Variants in NMD3 observed in about 807,000 individuals in gnomAD.
NMD3 encodes the protein 60S ribosomal export protein NMD3.
NMD3 carries 47 observed loss-of-function variants against 73.1 expected under a neutral mutation model. The observed-to-expected ratio is 0.64, with a 90% CI of 0.51 to 0.82. NMD3 has a LOEUF of 0.82. Ranked by LOEUF, NMD3 falls within the 40% of genes least tolerant of loss-of-function variation. NMD3 has a pLI of 0.00. For synonymous variants in NMD3, 210 were observed against 194.5 expected, an observed-to-expected ratio of 1.08 and a Z score of -0.66; for missense variants, 554 against 612.5, an observed-to-expected ratio of 0.90 and a Z score of 1.01.
chr3:161,242,909 A>T (rs895371388), intron 11 of NMD3, among the ~76,000 whole-genome samples: 4 of 152,022 alleles, frequency 2.6e-5, no homozygotes, highest in African/African-American at 7.2e-5. Flanking sequence ...CATTATATTT[A>T]AAAAAGGCAT....
chr3:161,246,527 A>G (rs1408131934), intron 12 of NMD3, 79 bp downstream of exon 12: 2 of 548,852 alleles, frequency 3.6e-6, no homozygotes, highest in Non-Finnish European at 6.7e-6. Flanking sequence ...ACCTAAAAAT[A>G]CTAACATTGT....
intron 7 of NMD3, among the ~76,000 whole-genome samples, chr3:161,236,572 G>T (rs2108087414): frequency 6.6e-6 from 1 of 152,128 alleles, no homozygotes; most frequent in South Asian, 2.1e-4. Flanking sequence ...TTTAAATTTT[G>T]TTGAAGTCCA....
At chr3:161,243,659 G>A (rs1265392643) in intron 11 of NMD3, among the ~76,000 whole-genome samples, 2 of 152,042 alleles carry the variant, frequency 1.3e-5, no homozygotes, top group Non-Finnish European at 2.9e-5. Context: ...TCCTCATGAT[G>A]CCATTTAACT....
In NMD3 at chr3:161,238,757, T is replaced by A; in HGVS notation, c.684T>A (p.Ser228=). 2 of 1,575,938 alleles carry A rather than the reference T, an allele frequency of 1.3e-6. No homozygotes were observed. Among genetic ancestry groups the A allele is most frequent in the Non-Finnish European group, 1.7e-6 (2 of 1,150,260 alleles). ...ACAAAGCATCACAAAGACTGATCTC[T>A]CAAGATATCCATAGTAACACATACA... The part of the protein sequence containing the change: ...CRYKASQRLI[S]QDIHSNTYNY... Residue 228 remains serine, a synonymous_variant, in exon 9 of 16, where the codon TCT becomes TCA. Transcript: ENST00000351193.
At chr3:161,249,363 A>G in intron 13 of NMD3, 91 bp from the exon 14 acceptor site, 2 of 751,022 alleles carry the variant, frequency 2.7e-6, no homozygotes, top group Non-Finnish European at 4.5e-6. Context: ...AACCAGTGTC[A>G]TTAGTTTGGT....
Position 161,238,730 on chromosome 3 carries a change from A to G in NMD3, c.657A>G (p.Arg219=), listed in dbSNP as rs766502085. The change falls in exon 9 of 16, where the codon AGA becomes AGG. Residue 219 remains arginine, a splice_region_variant and synonymous_variant. Coordinates refer to ENST00000351193, the MANE Select transcript of NMD3 (RefSeq NM_015938.5). ...VEFLQCTVPC[R]YKASQRLISQ... ...TTACTACTAACTTTTTTCTTAATAG[A>G]TACAAAGCATCACAAAGACTGATCT... The G allele has an allele frequency of 2.7e-6, 4 of 1,466,776 alleles. No individual in the cohort carries two copies. The highest frequency in any genetic ancestry group is 3.8e-6 in the Non-Finnish European group (4 of 1,048,498). 90.9% of individuals were successfully genotyped at this position (1,466,776 alleles called of 1,614,324 possible).
rs368438440 is a variant in NMD3 at position 161,227,540 on chromosome 3, C to T, written c.276+197C>T. Among the ~76,000 whole-genome samples the T allele has an allele frequency of 1.4e-4, 21 of 146,768 alleles. No homozygotes were observed. The East Asian group carries it at 2.6e-3, about 18-fold the overall frequency. On this transcript the variant is annotated intron_variant, in intron 4 of 15. Transcript: ENST00000351193. ...TCGGCTCACTGCAACCTCTGCCTCC[C>T]GGGTTCACACGATTCTCCTGCCTCA...
At position 161,250,956 on chromosome 3, in the gene NMD3, CAG is replaced by C. The variant is rs780163806; in HGVS notation, c.*49_*50del. The C allele has an allele frequency of 9.7e-6, 15 of 1,544,720 alleles. No individual in the cohort carries two copies. The highest frequency in any genetic ancestry group is 1.3e-5 in the Non-Finnish European group (15 of 1,126,912). On this transcript the variant is annotated 3_prime_UTR_variant, in exon 16 of 16. Coordinates refer to ENST00000351193, the MANE Select transcript of NMD3 (RefSeq NM_015938.5). ...CCATACATGGGCTTAAGAAGTTGGA[CAG>C]AGTTACCTTAAGTGTCTCTACTATC...
In NMD3 at chr3:161,242,442, T is replaced by C; in HGVS notation, c.872-66T>C. 3.4e-6 allele frequency: 5 copies of C among 1,451,708 alleles called. No individual in the cohort carries two copies. The South Asian group carries it at 6.0e-5, about 17-fold the overall frequency. 89.9% of individuals were successfully genotyped at this position (1,451,708 alleles called of 1,614,324 possible). On this transcript the variant is annotated intron_variant, in intron 10 of 15. Coordinates refer to ENST00000351193, the MANE Select transcript of NMD3 (RefSeq NM_015938.5). ...TTGGTATCTACCAGTTTATTCTTAG[T>C]TAATACATTTGATAATTGAAATATA...
At chr3:161,239,519 C>A (rs1277309383) in intron 9 of NMD3, among the ~76,000 whole-genome samples, 1 of 152,112 alleles carries the variant, frequency 6.6e-6, no homozygotes, top group Non-Finnish European at 1.5e-5. Context: ...TAAAGTTAAT[C>A]TAGATACTTT....
chr3:161,239,167 A>G (rs995568202), intron 9 of NMD3, among the ~76,000 whole-genome samples: 8 of 152,186 alleles, frequency 5.3e-5, no homozygotes, highest in East Asian at 1.9e-4. Flanking sequence ...TAAAATCAAT[A>G]TTAGTGAGCC....
intron 11 of NMD3, among the ~76,000 whole-genome samples, chr3:161,245,724 T>C (rs1007697675): frequency 2.0e-5 from 3 of 152,046 alleles, no homozygotes; most frequent in African/African-American, 7.2e-5. Flanking sequence ...AGTTTTCTAG[T>C]TTAAAAATTG....
chr3:161,228,435 C>T (rs1284468876), intron 4 of NMD3, among the ~76,000 whole-genome samples: 2 of 151,984 alleles, frequency 1.3e-5, no homozygotes, highest in Admixed American at 6.6e-5. Context: ...TCTAATCTTT[C>T]TAATGAATTG....
chr3:161,243,333 T>G (rs1737065393), intron 11 of NMD3, among the ~76,000 whole-genome samples: 1 of 152,238 alleles, frequency 6.6e-6, no homozygotes, highest in Non-Finnish European at 1.5e-5. Flanking sequence ...TAAAGTTATC[T>G]AATTCTACTC....
chr3:161,226,592 C>T (rs896737781), intron 3 of NMD3, among the ~76,000 whole-genome samples: 7 of 152,086 alleles, frequency 4.6e-5, no homozygotes, highest in African/African-American at 1.4e-4. Flanking sequence ...ATTCACATAA[C>T]ATGTTTGGAA....
rs1468514778 is a variant in NMD3, at chr3:161,242,526, G to A, written c.890G>A (p.Ser297Asn). 3.1e-6 allele frequency: 5 copies of A among 1,612,652 alleles called. No individual in the cohort carries two copies. Among genetic ancestry groups the A allele is most frequent in the African/African-American group, 2.7e-5 (2 of 74,856 alleles). The change falls in exon 11 of 16, where the codon AGC becomes AAC. Residue 297 changes from serine (S) to asparagine (N), a missense_variant. Transcript: ENST00000351193. ...TTTTTAGTGGCAGATATTGATGGGA[G>A]CACTTTCTGGAGTCACCCTTTCAAT... ...NTLQVADIDG[S>N]TFWSHPFNSL...
chr3:161,237,472 T>C (rs1017310741), intron 7 of NMD3, among the ~76,000 whole-genome samples: 1 of 151,946 alleles, frequency 6.6e-6, no homozygotes, highest in African/African-American at 2.4e-5. Flanking sequence ...TTTTGTTTTC[T>C]ATCTCTCAGA....
At chr3:161,244,370 C>A (rs1737108791) in intron 11 of NMD3, among the ~76,000 whole-genome samples, 1 of 152,166 alleles carries the variant, frequency 6.6e-6, no homozygotes, top group Non-Finnish European at 1.5e-5. Context: ...CTCAAGCAAT[C>A]CTCCTGCCTT....
intron 13 of NMD3, among the ~76,000 whole-genome samples, chr3:161,249,190 A>G (rs1401641932): frequency 6.6e-6 from 1 of 152,222 alleles, no homozygotes; most frequent in Non-Finnish European, 1.5e-5. Flanking sequence ...AGTTTTTGTT[A>G]TTAAGAAAAA....
Sources: gnomAD v4.1 joint callset for allele counts (sites outside exome capture counted in the v4.1 genomes callset) on GRCh38, gnomAD v4.1.1 for gene constraint, MANE v1.5 for transcripts, NCBI Gene and HGNC (gene_info 2026-07-23, HGNC 2026-07-21) for gene names.